The following MST1R variants were observed in gnomAD, a reference collection of about 807,000 sequenced individuals.
MST1R encodes the protein macrophage stimulating 1 receptor.
MST1R carries 99 observed loss-of-function variants against 117.8 expected under a neutral mutation model. That is an observed-to-expected ratio of 0.84 (90% CI 0.71 to 0.99). The LOEUF (loss-of-function observed/expected upper bound fraction) is 0.99. MST1R is among the 50% of genes least tolerant of loss of function. The pLI is 0.00. For missense variants in MST1R, 1,683 were observed against 1,840.2 expected (o/e 0.91, Z 1.56); for synonymous variants, 734 against 765.3 (o/e 0.96, Z 0.68).
Position 49,896,145 on chromosome 3 carries a change from C to T in MST1R, c.2650-38G>A, listed in dbSNP as rs746654758. ...TCATGAGGACCAGCCAGTAGGCTGGCCCCTACTTTCAGATCCCCAACTGTC... is the reference window on the plus strand; with the variant it reads ...TCATGAGGACCAGCCAGTAGGCTGGTCCCTACTTTCAGATCCCCAACTGTC... On this transcript the variant is annotated intron_variant, in intron 10 of 19. Transcript: ENST00000296474. The T allele has an allele frequency of 3.1e-6, 5 of 1,614,076 alleles. No individual in the cohort carries two copies. In the South Asian group the frequency reaches 4.4e-5, roughly 14 times the overall value.
chr3:49,899,523 G>C, intron 1 of MST1R: 1 of 317,656 alleles, frequency 3.1e-6, no homozygotes, highest in South Asian at 2.8e-5. Context: ...CTGATGGTGA[G>C]TTACCCCCAT....
chr3:49,897,796 C>T (rs2082532832), intron 5 of MST1R, 111 bp from the exon 6 acceptor site: 2 of 1,392,320 alleles, frequency 1.4e-6, no homozygotes, highest in African/African-American at 2.9e-5. Flanking sequence ...TTTCTCCACC[C>T]ATGCCTCCCT....
At chr3:49,893,911 AAAAT>A (rs1316487531) in intron 14 of MST1R, among the ~76,000 whole-genome samples, 2 of 136,622 alleles carry the variant, frequency 1.5e-5, no homozygotes, top group African/African-American at 5.2e-5. Context: ...AAAAAAAAAA[AAAAT>A]AAAATAAAAT....
intron 4 of MST1R, 58 bp downstream of exon 4, chr3:49,898,460 C>G: frequency 6.3e-7 from 1 of 1,577,470 alleles, no homozygotes; most frequent in Non-Finnish European, 8.6e-7. Context: ...ACTTGCTGAC[C>G]ACCACCCCAG....
In MST1R at chr3:49,891,464, G is replaced by T; in HGVS notation, c.3469C>A (p.Pro1157Thr). Residue 1157 changes from proline to threonine, a missense_variant, in exon 16 of 20, where the codon CCC becomes ACC. By Grantham distance (38) the Pro-to-Thr change is conservative. Coordinates refer to ENST00000296474, the MANE Select transcript of MST1R (RefSeq NM_002447.4). ...CACATATAGGGCAGCAGCACATGGG[G>T]CAGGCCCTCAGGTGGCAACATGATA... ...IGIMLPPEGL[P>T]HVLLPYMCHG... 2 of 1,613,982 alleles carry T rather than the reference G, an allele frequency of 1.2e-6. No individual in the cohort carries two copies. Among genetic ancestry groups the T allele is most frequent in the Non-Finnish European group, 1.7e-6 (2 of 1,180,030 alleles).
Position 49,903,515 on chromosome 3 carries a change from G to A in MST1R, c.95C>T (p.Thr32Ile). Residue 32 changes from threonine (T) to isoleucine (I), a missense_variant, in exon 1 of 20, where the codon ACC becomes ATC. Thr to Ile is a moderately conservative substitution (Grantham distance 89). Coordinates refer to ENST00000296474, the MANE Select transcript of MST1R (RefSeq NM_002447.4). ...AAAGTCGCGAGAGGCCGCGTAGGGGGTGCGCGGGCACTGCCAGTCCTCGCC... is the reference window on the plus strand; with the variant it reads ...AAAGTCGCGAGAGGCCGCGTAGGGGATGCGCGGGCACTGCCAGTCCTCGCC... ...AAGEDWQCPR[T>I]PYAASRDFDV... 1 of 1,608,366 alleles carries A rather than the reference G, an allele frequency of 6.2e-7. No homozygotes were observed. Among genetic ancestry groups the A allele is most frequent in the Non-Finnish European group, 8.5e-7 (1 of 1,179,780 alleles).
Position 49,898,968 on chromosome 3 carries a change from A to T in MST1R, c.1447T>A (p.Leu483Met). Reference sequence around the variant, plus strand: ...AGTGAGAAGTTGGACACATACAGCAAGTAGTTTAGTGACCTGACCAGCTCC... The same window carrying T: ...AGTGAGAAGTTGGACACATACAGCATGTAGTTTAGTGACCTGACCAGCTCC... ...QVELVRSLNYLLYVSNFSLGD... is the reference protein window; with the variant it reads ...QVELVRSLNYMLYVSNFSLGD... Residue 483 changes from leucine (L) to methionine (M), a missense_variant, in exon 3 of 20, where the codon TTG (leucine) becomes ATG (methionine). Leu to Met is a conservative substitution (Grantham distance 15). Transcript: ENST00000296474. The T allele has an allele frequency of 2.5e-6, 4 of 1,614,188 alleles. No individual in the cohort carries two copies. The highest frequency in any genetic ancestry group is 3.4e-6 in the Non-Finnish European group (4 of 1,180,032).
rs1331723164 is a variant in MST1R at position 49,903,453 on chromosome 3, C to T, written c.157G>A (p.Gly53Ser). The change falls in exon 1 of 20, where the codon GGC (glycine) becomes AGC (serine). Residue 53 changes from glycine to serine, a missense_variant. By Grantham distance (56) the Gly-to-Ser change is moderately conservative. Transcript: ENST00000296474. ...KYVVPSFSAG[G>S]LVQAMVTYEG... is the part of the protein sequence containing the mutation. The stretch of plus-strand genomic sequence containing the variant: ...TAGGTCACCATGGCCTGTACCAGGC[C>T]TCCGGCGGAGAAGCTGGGCACCACG... 1 of 1,613,580 alleles carries T rather than the reference C, an allele frequency of 6.2e-7. No homozygotes were observed. The highest frequency in any genetic ancestry group is 1.3e-5 in the African/African-American group (1 of 75,084).
intron 14 of MST1R, 110 bp downstream of exon 14, chr3:49,895,057 C>T (rs1380361559): frequency 7.9e-6 from 9 of 1,134,056 alleles, no homozygotes; most frequent in Admixed American, 5.2e-5. Flanking sequence ...ATGATCTGCC[C>T]GCCTCGGCCT....
chr3:49,896,004 A>C lies in MST1R; in HGVS notation c.2753T>G (p.Leu918Arg). The stretch of plus-strand genomic sequence containing the variant: ...CTGGCCAAGCTGCAGGGATGGGGGC[A>C]GGGGGCAGACAACCATGTCCCCCCG... The part of the protein sequence containing the change: ...EFRGDMVVCP[L>R]PPSLQLGQDG... The change falls in exon 11 of 20, where the codon CTG becomes CGG. Residue 918 changes from leucine (L) to arginine (R), a missense_variant. Leu to Arg is a moderately radical substitution (Grantham distance 102, BLOSUM62 -2). Transcript: ENST00000296474. 1.3e-6 allele frequency: 2 copies of C among 1,594,784 alleles called. No homozygotes were observed. Among genetic ancestry groups the C allele is most frequent in the Middle Eastern group, 1.7e-4 (1 of 5,970 alleles).
Position 49,895,276 on chromosome 3 carries a change from T to C in MST1R, c.3162A>G (p.Lys1054=). ...EDESCVPLLR[K]ESIQLRDLDS... ...CCAGGTCCCTTAGCTGGATGGACTC[T>C]TTCCGCAGCAGTGGCACACAGGATT... is the stretch of plus-strand genomic sequence containing the variant. The change falls in exon 14 of 20, where the codon AAA becomes AAG. Residue 1054 remains lysine, a synonymous_variant. Coordinates refer to ENST00000296474, the MANE Select transcript of MST1R (RefSeq NM_002447.4). 6.2e-7 allele frequency: 1 copy of C among 1,614,220 alleles called. No individual in the cohort carries two copies. Among genetic ancestry groups the C allele is most frequent in the Non-Finnish European group, 8.5e-7 (1 of 1,180,040 alleles).
chr3:49,903,492 A>C lies in MST1R; in HGVS notation c.118T>G (p.Phe40Val). ...CTGGGCACCACGTACTTCACGTCAA[A>C]GTCGCGAGAGGCCGCGTAGGGGGTG... ...PRTPYAASRD[F>V]DVKYVVPSFS... is the part of the protein sequence containing the mutation. Residue 40 changes from phenylalanine to valine, a missense_variant, in exon 1 of 20, where the codon TTT becomes GTT. Transcript: ENST00000296474. 6.2e-7 allele frequency: 1 copy of C among 1,611,816 alleles called. No individual in the cohort carries two copies. Among genetic ancestry groups the C allele is most frequent in the Non-Finnish European group, 8.5e-7 (1 of 1,179,978 alleles).
Position 49,891,757 on chromosome 3 carries a change from C to T in MST1R, c.3352+1G>A, listed in dbSNP as rs55856544. 8.3e-5 allele frequency: 134 copies of T among 1,614,000 alleles called. No individual in the cohort carries two copies. Among genetic ancestry groups the T allele is most frequent in the Middle Eastern group, 1.6e-4 (1 of 6,084 alleles). On this transcript the variant is annotated splice_donor_variant, in intron 15 of 19. Coordinates refer to ENST00000296474, the MANE Select transcript of MST1R (RefSeq NM_002447.4). LOFTEE classifies it high-confidence loss of function. ...GCCTTCCCATCTTCTGCCCCACTTA[C>T]GACTTAGTGACTTGATGGCACATTG... is the stretch of plus-strand genomic sequence containing the variant.
intron 7 of MST1R, 112 bp from the exon 8 acceptor site, chr3:49,897,002 C>T: frequency 7.7e-7 from 1 of 1,300,574 alleles, no homozygotes; most frequent in South Asian, 1.6e-5. Flanking sequence ...TCCCACCTGC[C>T]CCACTCCATG....
Position 49,903,540 on chromosome 3 carries a change from C to G in MST1R, c.70G>C (p.Gly24Arg). Residue 24 changes from glycine (G) to arginine (R), a missense_variant, in exon 1 of 20, where the codon GGC (glycine) becomes CGC (arginine). Physicochemically the swap from Gly to Arg is moderately radical, Grantham distance 125 (BLOSUM62 -2). Coordinates refer to ENST00000296474, the MANE Select transcript of MST1R (RefSeq NM_002447.4). Reference protein sequence around the residue: ...LLLLPAKPAAGEDWQCPRTPY... With the variant: ...LLLLPAKPAAREDWQCPRTPY... ...GTGCGCGGGCACTGCCAGTCCTCGC[C>G]CGCCGCGGGCTTGGCAGGCAACAGC... 5 of 1,600,600 alleles carry G rather than the reference C, an allele frequency of 3.1e-6. No individual in the cohort carries two copies. The highest frequency in any genetic ancestry group is 4.2e-6 in the Non-Finnish European group (5 of 1,177,346).
chr3:49,902,727 CCCGATAGTCA>C lies in MST1R; in HGVS notation c.873_882del (p.Asp292SerfsTer43). On this transcript the variant is annotated frameshift_variant, in exon 1 of 20. Coordinates refer to ENST00000296474, the MANE Select transcript of MST1R (RefSeq NM_002447.4). LOFTEE classifies it high-confidence loss of function. Reference sequence around the variant, plus strand: ...GCAAATCTGCAGTCGAGGACCAGCTCCCGATAGTCACCCAACTCTGGCTCAGTGGCGCTAA... The same window carrying C: ...GCAAATCTGCAGTCGAGGACCAGCTCCCCAACTCTGGCTCAGTGGCGCTAA... 1 of 1,613,770 alleles carries C rather than the reference CCCGATAGTCA, an allele frequency of 6.2e-7. No individual in the cohort carries two copies. Among genetic ancestry groups the C allele is most frequent in the Non-Finnish European group, 8.5e-7 (1 of 1,180,048 alleles).
intron 1 of MST1R, among the ~76,000 whole-genome samples, chr3:49,901,115 G>A (rs2082661478): frequency 6.6e-6 from 1 of 152,196 alleles, no homozygotes; most frequent in African/African-American, 2.4e-5. Flanking sequence ...TCCCCATTGG[G>A]AAGGAGAAGG....
rs563414275 is a variant in MST1R, at chr3:49,902,757, C to T, written c.853G>A (p.Ala285Thr). Residue 285 changes from alanine to threonine, a missense_variant, in exon 1 of 20, where the codon GCC becomes ACC. Physicochemically the swap from Ala to Thr is moderately conservative, Grantham distance 58. Coordinates refer to ENST00000296474, the MANE Select transcript of MST1R (RefSeq NM_002447.4). The stretch of plus-strand genomic sequence containing the variant: ...TAGTCACCCAACTCTGGCTCAGTGG[C>T]GCTAAGCCGTGCCAGGCGTGTGTGC... Reference protein sequence around the residue: ...ALHTRLARLSATEPELGDYRE... With the variant: ...ALHTRLARLSTTEPELGDYRE... The T allele has an allele frequency of 9.4e-5, 152 of 1,613,906 alleles. 2 individuals are homozygous for T. In the South Asian group the frequency reaches 1.3e-3, roughly 14 times the overall value.
Position 49,895,189 on chromosome 3 carries a change from G to A in MST1R, c.3249C>T (p.His1083=). 6.2e-7 allele frequency: 1 copy of A among 1,614,092 alleles called. No homozygotes were observed. Among genetic ancestry groups the A allele is most frequent in the East Asian group, 2.2e-5 (1 of 44,874 alleles). Residue 1083 remains histidine, a synonymous_variant, in exon 14 of 20, where the codon CAC becomes CAT. Transcript: ENST00000296474. ...VLIPHERVVT[H]SDRVIGKGHF... Reference sequence around the variant, plus strand: ...CACCTTTGCCAATGACTCGGTCACTGTGGGTGACCACCCGCTCATGGGGAA... The same window carrying A: ...CACCTTTGCCAATGACTCGGTCACTATGGGTGACCACCCGCTCATGGGGAA...
Sources: gnomAD v4.1 joint callset for allele counts (sites outside exome capture counted in the v4.1 genomes callset) on GRCh38, gnomAD v4.1.1 for gene constraint, MANE v1.5 for transcripts, NCBI Gene and HGNC (gene_info 2026-07-23, HGNC 2026-07-21) for gene names.